Variants in DENND4A observed in about 807,000 individuals in gnomAD.
DENND4A encodes the protein C-myc promoter-binding protein.
Under a neutral mutation model 199.3 loss-of-function variants are expected in DENND4A, and 70 were observed. That is an observed-to-expected ratio of 0.35 (90% confidence interval 0.29 to 0.43). The LOEUF (loss-of-function observed/expected upper bound fraction) is 0.43, where lower values mean the gene tolerates loss of function less well. Among genes scored for constraint, DENND4A ranks in the 20% least tolerant of loss-of-function variants. DENND4A has a pLI of 1.00. For synonymous variants in DENND4A, 686 were observed against 766.9 expected, an observed-to-expected ratio of 0.89 and a Z score of 1.74; for missense variants, 1,723 against 2,255.8, an observed-to-expected ratio of 0.76 and a Z score of 4.78.
At chr15:65,778,724 G>A (rs1278956286) in intron 1 of DENND4A, among the ~76,000 whole-genome samples, 1 of 151,602 alleles carries the variant, frequency 6.6e-6, no homozygotes, top group Non-Finnish European at 1.5e-5. Flanking sequence ...GTGAAACTCC[G>A]TCTCTACTAA....
chr15:65,687,393 C>T lies in DENND4A; in HGVS notation c.4179+3022G>A, dbSNP rs146558166. 2.1e-3 allele frequency among the ~76,000 whole-genome samples: 312 copies of T among 151,738 alleles called. 2 individuals carry two copies. The highest frequency in any genetic ancestry group is 0.017 in the Middle Eastern group (5 of 292). Reference sequence around the variant, plus strand: ...TTGTTTTGGACAATTATAGGTTTTTCTTTTCTTTTTTTTTCAGTTTAGGAG... The same window carrying T: ...TTGTTTTGGACAATTATAGGTTTTTTTTTTCTTTTTTTTTCAGTTTAGGAG... On this transcript the variant is annotated intron_variant, in intron 23 of 32. Coordinates refer to ENST00000443035, the MANE Select transcript of DENND4A (RefSeq NM_001320835.1).
chr15:65,663,197 TA>T (rs144128433), intron 32 of DENND4A, among the ~76,000 whole-genome samples: 10,404 of 115,956 alleles, frequency 0.09, 319 homozygotes, highest in African/African-American at 0.13. Context: ...TATATATATA[TA>T]TTTTTTTTTT....
chr15:65,749,405 G>A (rs189301226), intron 4 of DENND4A, among the ~76,000 whole-genome samples: 4 of 152,300 alleles, frequency 2.6e-5, no homozygotes. Flanking sequence ...GTTATTGAAT[G>A]TGAAATACTT....
chr15:65,717,749 G>A (rs770021503), intron 13 of DENND4A, 29 bp downstream of exon 13: 2 of 1,531,740 alleles, frequency 1.3e-6, no homozygotes, highest in East Asian at 2.3e-5. Context: ...TCAATAACCT[G>A]AAAGCTTTAA....
chr15:65,711,386 C>T (rs181016957), intron 14 of DENND4A, among the ~76,000 whole-genome samples: 1 of 152,258 alleles, frequency 6.6e-6, no homozygotes, highest in African/African-American at 2.4e-5. Flanking sequence ...CCCAGCTACT[C>T]AGGAGACTGA....
At chr15:65,773,001 G>T (rs1326076683) in intron 1 of DENND4A, among the ~76,000 whole-genome samples, 1 of 7,948 alleles carries the variant, frequency 1.3e-4, no homozygotes, top group Non-Finnish European at 3.0e-4. Context: ...TTGTTTCTAA[G>T]CAAAAAAAAA....
At chr15:65,706,045 G>A in intron 15 of DENND4A, 46 bp downstream of exon 15, 1 of 1,455,912 alleles carries the variant, frequency 6.9e-7, no homozygotes, top group Admixed American at 2.4e-5. Context: ...CACAGATGAT[G>A]GATTGCTTCT....
At chr15:65,673,452 T>C (rs368792456) in intron 24 of DENND4A, among the ~76,000 whole-genome samples, 1 of 150,630 alleles carries the variant, frequency 6.6e-6, no homozygotes, top group Non-Finnish European at 1.5e-5. Flanking sequence ...GCCTGAGTGA[T>C]AGAGTGAGAC....
chr15:65,760,830 A>T (rs1277519459), intron 2 of DENND4A, among the ~76,000 whole-genome samples: 1 of 151,082 alleles, frequency 6.6e-6, no homozygotes, highest in African/African-American at 2.4e-5. Context: ...CAGAGGTTGC[A>T]ATGGGCCAAG....
Position 65,791,607 on chromosome 15 carries a change from T to C in DENND4A, c.-102+403A>G, listed in dbSNP as rs539229557. On this transcript the variant is annotated intron_variant, in intron 1 of 32. Coordinates refer to ENST00000443035, the MANE Select transcript of DENND4A (RefSeq NM_001320835.1). Reference sequence around the variant, plus strand: ...GGCACCCCGGGCTCCCCCCGCCGCCTGTCTCAGATACCGAGCAGGTGGGAT... The same window carrying C: ...GGCACCCCGGGCTCCCCCCGCCGCCCGTCTCAGATACCGAGCAGGTGGGAT... Among the ~76,000 whole-genome samples the C allele has an allele frequency of 5.3e-5, 8 of 151,926 alleles. No homozygotes were observed. The South Asian group carries it at 1.7e-3, about 32-fold the overall frequency.
At chr15:65,737,999 C>A in intron 6 of DENND4A, 54 bp from the exon 7 acceptor site, 1 of 1,481,884 alleles carries the variant, frequency 6.7e-7, no homozygotes, top group South Asian at 1.3e-5. Context: ...ATATCCAAAT[C>A]ACATCATCAG....
intron 9 of DENND4A, 102 bp from the exon 10 acceptor site, chr15:65,729,780 T>G (rs1567053745): frequency 7.5e-6 from 8 of 1,064,728 alleles, no homozygotes; most frequent in Non-Finnish European, 7.9e-6. Flanking sequence ...GGATTTGTAT[T>G]ATATATGTTG....
intron 1 of DENND4A, among the ~76,000 whole-genome samples, chr15:65,776,978 G>A (rs1404582810): frequency 6.6e-6 from 1 of 152,044 alleles, no homozygotes; most frequent in East Asian, 1.9e-4. Context: ...GGCCAGCCTG[G>A]ACAACACGGT....
At chr15:65,764,015 G>A (rs2076920327) in intron 1 of DENND4A, among the ~76,000 whole-genome samples, 1 of 152,114 alleles carries the variant, frequency 6.6e-6, no homozygotes, top group African/African-American at 2.4e-5. Flanking sequence ...TATGTATATA[G>A]AAATACTTGT....
rs931558957 is a variant in DENND4A, at chr15:65,769,011, CA to C, written c.-101-7574del. ...CTCTGTCTCAAAAAAAACCAAAAAACAAAAAAAAAAACCCCCACAATTTTAT... is the reference window on the plus strand; with the variant it reads ...CTCTGTCTCAAAAAAAACCAAAAAACAAAAAAAAAACCCCCACAATTTTAT... On this transcript the variant is annotated intron_variant, in intron 1 of 32. Transcript: ENST00000443035. Among the ~76,000 whole-genome samples the C allele has an allele frequency of 8.4e-3, 1,175 of 139,452 alleles. 12 individuals carry two copies. The highest frequency in any genetic ancestry group is 0.027 in the African/African-American group (1,050 of 38,250). 91.5% of individuals were successfully genotyped at this position (139,452 alleles called of 152,430 possible).
chr15:65,722,969 G>C (rs759547983), intron 11 of DENND4A, 21 bp from the exon 12 acceptor site: 1 of 1,565,172 alleles, frequency 6.4e-7, no homozygotes, highest in African/African-American at 1.4e-5. Context: ...ATAACAACAG[G>C]AATATATTTG....
intron 9 of DENND4A, among the ~76,000 whole-genome samples, chr15:65,731,197 T>C (rs2075947143): frequency 6.6e-6 from 1 of 152,046 alleles, no homozygotes; most frequent in Non-Finnish European, 1.5e-5. Flanking sequence ...TACTTAATGA[T>C]TTCTCTGAAC....
rs773835661 is a variant in DENND4A at position 65,702,485 on chromosome 15, T to C, written c.2250A>G (p.Ala750=). 1.5e-5 allele frequency: 24 copies of C among 1,591,658 alleles called. No homozygotes were observed. The highest frequency in any genetic ancestry group is 2.0e-5 in the Non-Finnish European group (23 of 1,168,650). ...TCTGAGGGATGGAAGAGTACCTCTT[T>C]GCAATTTTATGGGCTGATTTAATTT... ...KQEIKSAHKI[A]KRYSSIPQMW... is the part of the protein sequence containing the mutation. The change falls in exon 17 of 33, where the codon GCA becomes GCG. Residue 750 remains alanine, a synonymous_variant. Transcript: ENST00000443035.
intron 1 of DENND4A, among the ~76,000 whole-genome samples, chr15:65,765,959 T>C (rs1017350784): frequency 6.6e-5 from 10 of 152,038 alleles, no homozygotes; most frequent in Non-Finnish European, 1.3e-4. Flanking sequence ...TCTTACAAAA[T>C]AGATGCAGAA....
Sources: allele counts gnomAD v4.1 joint callset (sites outside exome capture counted in the v4.1 genomes callset), GRCh38; gene constraint gnomAD v4.1.1; transcripts MANE v1.5; gene names NCBI Gene and HGNC (gene_info 2026-07-23, HGNC 2026-07-21).